HECW2: variants seen among roughly 807,000 people sequenced by gnomAD.
HECW2 encodes E3 ubiquitin-protein ligase HECW2.
A neutral mutation model predicts 175.2 loss-of-function variants in HECW2; 61 were observed. That is an observed-to-expected ratio of 0.35 (90% confidence interval 0.28 to 0.43). HECW2 has a LOEUF of 0.43. Ranked by LOEUF, HECW2 falls within the 20% of genes least tolerant of loss-of-function variation. HECW2 has a pLI of 1.00. For synonymous variants in HECW2, 671 were observed against 731.0 expected (o/e 0.92, Z 1.32); for missense variants, 1,524 against 2,000.5 (o/e 0.76, Z 4.54).
intron 2 of HECW2, among the ~76,000 whole-genome samples, chr2:196,431,255 A>G (rs577774677): frequency 6.6e-6 from 1 of 152,310 alleles, no homozygotes; most frequent in Admixed American, 6.5e-5. Context: ...GTAAAATATA[A>G]CAACATCAAG....
Position 196,225,314 on chromosome 2 carries a change from A to G in HECW2, c.4016+458T>C, listed in dbSNP as rs547984503. On this transcript the variant is annotated intron_variant, in intron 23 of 28. Transcript: ENST00000644978. Reference sequence around the variant, plus strand: ...GACAAACAAATAAAAAACAAAACCAAAACAAAGGAAAATGAAGATTTGAAC... The same window carrying G: ...GACAAACAAATAAAAAACAAAACCAGAACAAAGGAAAATGAAGATTTGAAC... Among the ~76,000 whole-genome samples the G allele has an allele frequency of 2.6e-5, 4 of 152,346 alleles. No individual in the cohort carries two copies. In the South Asian group the frequency reaches 8.3e-4, roughly 32 times the overall value.
In HECW2 at chr2:196,465,724, C is replaced by T. The variant is rs138730642; in HGVS notation, c.-35-32266G>A. ...TGCAAATACGTGGCCGTTCTGGACA[C>T]GTATTTGCATGGCACAGTTAGGAAA... is the stretch of plus-strand genomic sequence containing the variant. On this transcript the variant is annotated intron_variant, in intron 1 of 28. Transcript: ENST00000644978. Among the ~76,000 whole-genome samples, 1,067 of 149,782 alleles carry T rather than the reference C, an allele frequency of 7.1e-3. 6 individuals are homozygous for T. Among genetic ancestry groups the T allele is most frequent in the Non-Finnish European group, 0.011 (725 of 67,372 alleles).
At chr2:196,208,750 CAGA>C (rs1687158428) in intron 28 of HECW2, among the ~76,000 whole-genome samples, 1 of 152,182 alleles carries the variant, frequency 6.6e-6, no homozygotes, top group South Asian at 2.1e-4. Flanking sequence ...GAGGAATACA[CAGA>C]AGGAGGCTGG....
intron 2 of HECW2, among the ~76,000 whole-genome samples, chr2:196,357,949 T>C (rs1312269806): frequency 6.6e-6 from 1 of 152,246 alleles, no homozygotes; most frequent in Non-Finnish European, 1.5e-5. Flanking sequence ...AAGTTCTTTA[T>C]AGTAGTGTGA....
intron 1 of HECW2, among the ~76,000 whole-genome samples, chr2:196,590,418 C>G (rs1394272476): frequency 1.3e-4 from 20 of 152,182 alleles, no homozygotes; most frequent in Admixed American, 1.3e-3. Flanking sequence ...GAAAGGTTTT[C>G]ACCCAATGCT....
intron 1 of HECW2, among the ~76,000 whole-genome samples, chr2:196,447,220 T>A (rs1224571691): frequency 1.3e-5 from 2 of 152,228 alleles, no homozygotes; most frequent in African/African-American, 2.4e-5. Flanking sequence ...TGTTTTTTTT[T>A]AACAAAGAAG....
At chr2:196,215,791 T>C (rs749523740) in intron 28 of HECW2, 74 bp downstream of exon 28, 188 of 1,027,928 alleles carry the variant, frequency 1.8e-4, no homozygotes, top group Non-Finnish European at 2.5e-4. Context: ...AAAGCAGTAA[T>C]TAATCAATAT....
intron 1 of HECW2, among the ~76,000 whole-genome samples, chr2:196,551,324 G>A (rs762663347): frequency 6.6e-6 from 1 of 152,202 alleles, no homozygotes; most frequent in Non-Finnish European, 1.5e-5. Context: ...AGGGGCAGGA[G>A]AAAGTTAAGT....
At chr2:196,480,109 CAT>C (rs937872692) in intron 1 of HECW2, among the ~76,000 whole-genome samples, 4 of 152,062 alleles carry the variant, frequency 2.6e-5, no homozygotes, top group African/African-American at 9.7e-5. Flanking sequence ...CAATCTCAGC[CAT>C]ATGTTTTCCC....
intron 2 of HECW2, among the ~76,000 whole-genome samples, chr2:196,409,178 GCT>G (rs1285685716): frequency 1.3e-5 from 2 of 152,104 alleles, no homozygotes; most frequent in Non-Finnish European, 2.9e-5. Flanking sequence ...GGCTAGAAAG[GCT>G]CTGGGCTCTG....
chr2:196,228,314 T>C, intron 21 of HECW2, 60 bp from the exon 22 acceptor site: 2 of 1,502,422 alleles, frequency 1.3e-6, no homozygotes, highest in South Asian at 1.3e-5. Context: ...ATTGGGCAGT[T>C]TTTCTCCAGA....
At chr2:196,268,230 A>G (rs1025683481) in intron 17 of HECW2, among the ~76,000 whole-genome samples, 2 of 152,294 alleles carry the variant, frequency 1.3e-5, no homozygotes, top group Admixed American at 6.5e-5. Flanking sequence ...GGATAGGAGG[A>G]GTGGTATTAT....
At chr2:196,232,864 A>G (rs2105854756) in intron 21 of HECW2, among the ~76,000 whole-genome samples, 1 of 152,334 alleles carries the variant, frequency 6.6e-6, no homozygotes, top group Admixed American at 6.5e-5. Flanking sequence ...CTAGGAGAAA[A>G]TGTGTCTTCA....
chr2:196,521,548 T>C (rs560940653), intron 1 of HECW2, among the ~76,000 whole-genome samples: 18 of 151,456 alleles, frequency 1.2e-4, no homozygotes, highest in Admixed American at 4.6e-4. Context: ...TAGTTACATA[T>C]GTATACATGT....
At chr2:196,303,618 A>G (rs991766876) in intron 13 of HECW2, among the ~76,000 whole-genome samples, 4 of 152,078 alleles carry the variant, frequency 2.6e-5, no homozygotes, top group African/African-American at 7.2e-5. Flanking sequence ...ATTCAATTTC[A>G]TCCTGGTTCA....
chr2:196,472,413 G>A (rs1232631410), intron 1 of HECW2, among the ~76,000 whole-genome samples: 3 of 148,806 alleles, frequency 2.0e-5, no homozygotes, highest in Admixed American at 1.3e-4. Context: ...ACTTGAACCT[G>A]AGAGGTGGAG....
chr2:196,223,997 G>A (rs1456408656), intron 23 of HECW2, among the ~76,000 whole-genome samples: 1 of 152,184 alleles, frequency 6.6e-6, no homozygotes, highest in African/African-American at 2.4e-5. Flanking sequence ...TAATTGCTGG[G>A]CTTGAGCACT....
chr2:196,262,078 T>C (rs1575317144), intron 17 of HECW2, among the ~76,000 whole-genome samples: 1 of 152,194 alleles, frequency 6.6e-6, no homozygotes, highest in Admixed American at 6.5e-5. Context: ...CAGTCTAGAG[T>C]GCAGTGGTAC....
rs1180448689 is a variant in HECW2 at position 196,199,621 on chromosome 2, A to G, written c.*1656T>C. 6.6e-6 allele frequency: 1 copy of G among 152,586 alleles called. No homozygotes were observed. Among genetic ancestry groups the G allele is most frequent in the Non-Finnish European group, 1.5e-5 (1 of 68,014 alleles). The allele number at this position is 152,586 out of a possible 1,614,324, so 9.5% of individuals were successfully genotyped here. Reference sequence around the variant, plus strand: ...GCTTATAAATATAGATCTCAAAGAAATGTTTGGGCAATGCCTGTAAACCCA... The same window carrying G: ...GCTTATAAATATAGATCTCAAAGAAGTGTTTGGGCAATGCCTGTAAACCCA... On this transcript the variant is annotated 3_prime_UTR_variant, in exon 29 of 29. Transcript: ENST00000644978.
Sources: allele counts gnomAD v4.1 joint callset (sites outside exome capture counted in the v4.1 genomes callset), GRCh38; gene constraint gnomAD v4.1.1; transcripts MANE v1.5; gene names NCBI Gene and HGNC (gene_info 2026-07-23, HGNC 2026-07-21).